The following RGS5 variants were observed in gnomAD, a reference collection of about 807,000 sequenced individuals.
The protein encoded by RGS5 is regulator of G-protein signalling 5.
RGS5 carries 20 observed loss-of-function variants against 18.9 expected under a neutral mutation model. That is an observed-to-expected ratio of 1.06 (90% CI 0.74 to 1.54). The LOEUF is 1.54. Among genes scored for constraint, RGS5 ranks in the 40% most tolerant of loss-of-function variants. RGS5 has a pLI of 0.00. For synonymous variants in RGS5, 57 were observed against 76.2 expected (o/e 0.75, Z 1.31); for missense variants, 201 against 211.8 (o/e 0.95, Z 0.32).
At chr1:163,263,240 G>A (rs1254710414) in intron 2 of RGS5, among the ~76,000 whole-genome samples, 1 of 152,042 alleles carries the variant, frequency 6.6e-6, no homozygotes, top group African/African-American at 2.4e-5. Context: ...ATGGTAATAC[G>A]CCCACTAGGC....
At chr1:163,290,867 A>G (rs1406631189) in intron 2 of RGS5, among the ~76,000 whole-genome samples, 3 of 152,278 alleles carry the variant, frequency 2.0e-5, no homozygotes, top group South Asian at 4.1e-4. Context: ...GGTGGTTATA[A>G]TAAGAAATAT....
At chr1:163,148,320 G>A (rs1557878313) in intron 4 of RGS5, among the ~76,000 whole-genome samples, 1 of 152,124 alleles carries the variant, frequency 6.6e-6, no homozygotes, top group Non-Finnish European at 1.5e-5. Context: ...TGGGGATCCA[G>A]GACCTTTTGC....
chr1:163,239,011 A>G (rs1046915426), intron 2 of RGS5: 1 of 218,570 alleles, frequency 4.6e-6, no homozygotes. Flanking sequence ...ACATGATGCA[A>G]CTACTCATGT....
intron 1 of RGS5, among the ~76,000 whole-genome samples, chr1:163,319,773 T>C (rs992823546): frequency 1.3e-5 from 2 of 152,228 alleles, no homozygotes; most frequent in East Asian, 1.9e-4. Flanking sequence ...GTAGCACATG[T>C]GAGGGTACAA....
At position 163,259,667 on chromosome 1, in the gene RGS5, C is replaced by A. The variant is rs548228863; in HGVS notation, c.-281+46566G>T. Among the ~76,000 whole-genome samples, 6 of 152,214 alleles carry A rather than the reference C, an allele frequency of 3.9e-5. No individual in the cohort carries two copies. In the South Asian group the frequency reaches 1.2e-3, roughly 32 times the overall value. On this transcript the variant is annotated intron_variant, in intron 2 of 5. Coordinates refer to the RGS5 transcript ENST00000618415. ...GAGTTATTATCACATAATTTCTGGGCGCTACAGAAGTTTTTCATCACTCAC... is the reference window on the plus strand; with the variant it reads ...GAGTTATTATCACATAATTTCTGGGAGCTACAGAAGTTTTTCATCACTCAC...
chr1:163,243,129 A>C (rs1296394817), intron 2 of RGS5, among the ~76,000 whole-genome samples: 1 of 152,192 alleles, frequency 6.6e-6, no homozygotes, highest in Admixed American at 6.5e-5. Context: ...GAATGAGTTC[A>C]TGTCCTTTGC....
chr1:163,256,529 A>T (rs1298192239), intron 2 of RGS5, among the ~76,000 whole-genome samples: 2 of 152,238 alleles, frequency 1.3e-5, no homozygotes, highest in Non-Finnish European at 2.9e-5. Context: ...ATACGCATTC[A>T]TCCAGTAAGA....
chr1:163,209,676 A>G (rs1426764769), intron 1 of RGS5, among the ~76,000 whole-genome samples: 3 of 152,050 alleles, frequency 2.0e-5, no homozygotes, highest in Non-Finnish European at 4.4e-5. Context: ...TCCTCTAATT[A>G]ATTTCTTATT....
chr1:163,177,425 A>C (rs1297989985), intron 1 of RGS5, among the ~76,000 whole-genome samples: 1 of 152,226 alleles, frequency 6.6e-6, no homozygotes, highest in Non-Finnish European at 1.5e-5. Context: ...AACATTTTAC[A>C]TGAGCTTGTT....
intron 2 of RGS5, among the ~76,000 whole-genome samples, chr1:163,276,798 A>C (rs1037106535): frequency 2.0e-5 from 3 of 152,156 alleles, no homozygotes; most frequent in Non-Finnish European, 4.4e-5. Context: ...ATTAATGTTG[A>C]CTCTGACAAA....
At chr1:163,217,466 C>T in intron 1 of RGS5, 1 of 1,458,174 alleles carries the variant, frequency 6.9e-7, no homozygotes, top group South Asian at 1.4e-5. Flanking sequence ...TATGCACAGT[C>T]TTTCCTGTAA....
At chr1:163,276,872 C>T (rs1648871210) in intron 2 of RGS5, among the ~76,000 whole-genome samples, 1 of 152,214 alleles carries the variant, frequency 6.6e-6, no homozygotes, top group Non-Finnish European at 1.5e-5. Context: ...ACCTACCCCT[C>T]CTCTCGGCCA....
At chr1:163,318,230 A>C (rs138136924) in intron 1 of RGS5, among the ~76,000 whole-genome samples, 1 of 152,206 alleles carries the variant, frequency 6.6e-6, no homozygotes, top group Non-Finnish European at 1.5e-5. Context: ...AAGGGAAACA[A>C]GACTGGGAAG....
At chr1:163,230,155 G>A (rs1170958183) in intron 2 of RGS5, among the ~76,000 whole-genome samples, 1 of 152,186 alleles carries the variant, frequency 6.6e-6, no homozygotes, top group Non-Finnish European at 1.5e-5. Context: ...TGAGAGAGGA[G>A]ATGTTTATAA....
At chr1:163,317,926 G>C (rs1050748752) in intron 1 of RGS5, among the ~76,000 whole-genome samples, 56 of 149,732 alleles carry the variant, frequency 3.7e-4, no homozygotes, top group African/African-American at 1.3e-3. Context: ...ATATTTGCTT[G>C]TTCATTATTA....
chr1:163,164,276 G>T (rs1319056230), intron 2 of RGS5, among the ~76,000 whole-genome samples: 2 of 152,190 alleles, frequency 1.3e-5, no homozygotes, highest in Non-Finnish European at 2.9e-5. Flanking sequence ...AAATGTTCTG[G>T]TTTGCAAGGT....
chr1:163,218,074 C>T (rs114668640), upstream of RGS5, among the ~76,000 whole-genome samples: 1,235 of 151,936 alleles, frequency 8.1e-3, 5 homozygotes, highest in Non-Finnish European at 0.014. Flanking sequence ...TTTGCCATAT[C>T]CTGCAGCCCA....
intron 3 of RGS5, among the ~76,000 whole-genome samples, chr1:163,153,831 T>C (rs976309759): frequency 2.6e-4 from 39 of 151,392 alleles, no homozygotes; most frequent in African/African-American, 8.2e-4. Context: ...ATTACACACA[T>C]ATATATATAT....
intron 1 of RGS5, among the ~76,000 whole-genome samples, chr1:163,179,980 T>C (rs1658734176): frequency 1.3e-5 from 2 of 152,158 alleles, no homozygotes; most frequent in Admixed American, 1.3e-4. Context: ...TCATTGCCAA[T>C]AGCTAATCTG....
Sources: gnomAD v4.1 joint callset for allele counts (sites outside exome capture counted in the v4.1 genomes callset) on GRCh38, gnomAD v4.1.1 for gene constraint, MANE v1.5 for transcripts, NCBI Gene and HGNC (gene_info 2026-07-23, HGNC 2026-07-21) for gene names.